VPS13A: variants seen among roughly 807,000 people sequenced by gnomAD.
VPS13A encodes vacuolar protein sorting 13 homolog A.
In VPS13A, 264 loss-of-function variants were observed where a neutral mutation model predicts 390.9. The ratio of observed to expected loss-of-function variants is 0.68; its 90% CI spans 0.61 to 0.75. The LOEUF (loss-of-function observed/expected upper bound fraction) is 0.75. Ranked by LOEUF, VPS13A falls within the 30% of genes least tolerant of loss-of-function variation. The pLI is 0.00. For missense variants in VPS13A, 3,409 were observed against 3,733.9 expected, an observed-to-expected ratio of 0.91 and a Z score of 2.27; for synonymous variants, 1,231 against 1,227.1, an observed-to-expected ratio of 1.00 and a Z score of -0.07.
chr9:77,357,621 T>G, intron 55 of VPS13A, 71 bp from the exon 56 acceptor site: 2 of 1,516,018 alleles, frequency 1.3e-6, no homozygotes, highest in Non-Finnish European at 1.8e-6. Flanking sequence ...AAAAAGTTTT[T>G]GGCATTAATT....
intron 63 of VPS13A, 134 bp from the exon 64 acceptor site, chr9:77,370,123 T>C: frequency 2.1e-6 from 2 of 954,364 alleles, no homozygotes; most frequent in Non-Finnish European, 3.3e-6. Context: ...TGTGAAACTT[T>C]TTGCTGATAT....
At chr9:77,327,433 A>G (rs1830069150) in intron 45 of VPS13A, among the ~76,000 whole-genome samples, 1 of 152,154 alleles carries the variant, frequency 6.6e-6, no homozygotes, top group Non-Finnish European at 1.5e-5. Flanking sequence ...TATAGAGCAA[A>G]TAGTTTTTCT....
chr9:77,405,006 C>T (rs1834534088), intron 69 of VPS13A, among the ~76,000 whole-genome samples: 1 of 151,232 alleles, frequency 6.6e-6, no homozygotes, highest in Non-Finnish European at 1.5e-5. Flanking sequence ...TTTTTTAACT[C>T]AATCTAATAC....
chr9:77,399,403 G>C (rs1284730474), intron 68 of VPS13A, among the ~76,000 whole-genome samples: 2 of 151,900 alleles, frequency 1.3e-5, no homozygotes, highest in Non-Finnish European at 2.9e-5. Context: ...GCACAGATTA[G>C]ATTTGATTTA....
chr9:77,279,244 T>C (rs1587481657), intron 26 of VPS13A, among the ~76,000 whole-genome samples: 1 of 152,232 alleles, frequency 6.6e-6, no homozygotes, highest in East Asian at 1.9e-4. Flanking sequence ...GCAAGACGGA[T>C]GGAGAGCCGG....
chr9:77,369,135 A>C lies in VPS13A; in HGVS notation c.8554-164A>C, dbSNP rs1832604158. On this transcript the variant is annotated intron_variant, in intron 62 of 71. Coordinates refer to ENST00000360280, the MANE Select transcript of VPS13A (RefSeq NM_033305.3). ...AACAGAGCAGGACTGTCTCAAAAAGAAAAAGAAAAAAAAGAGTAGTGATTA... is the reference window on the plus strand; with the variant it reads ...AACAGAGCAGGACTGTCTCAAAAAGCAAAAGAAAAAAAAGAGTAGTGATTA... 2.6e-5 allele frequency among the ~76,000 whole-genome samples: 4 copies of C among 152,232 alleles called. No homozygotes were observed. The South Asian group carries it at 8.3e-4, about 31-fold the overall frequency.
At chr9:77,221,673 G>C (rs1823222054) in intron 13 of VPS13A, among the ~76,000 whole-genome samples, 1 of 152,032 alleles carries the variant, frequency 6.6e-6, no homozygotes, top group Non-Finnish European at 1.5e-5. Context: ...TCTCTGTGTT[G>C]GTTTCAAAGC....
intron 17 of VPS13A, among the ~76,000 whole-genome samples, chr9:77,229,872 T>C (rs1025011019): frequency 6.6e-6 from 1 of 152,222 alleles, no homozygotes; most frequent in Non-Finnish European, 1.5e-5. Flanking sequence ...CTCACCATTT[T>C]ACATTTCCAT....
chr9:77,357,759 A>C lies in VPS13A; in HGVS notation c.7874A>C (p.Asn2625Thr). 6.2e-7 allele frequency: 1 copy of C among 1,613,990 alleles called. No homozygotes were observed. The highest frequency in any genetic ancestry group is 8.5e-7 in the Non-Finnish European group (1 of 1,179,980). Residue 2625 changes from asparagine to threonine, a missense_variant, in exon 56 of 72, where the codon AAT becomes ACT. This residue lies in a region of VPS13A where 221 missense variants were observed against 300.7 expected (regional missense o/e 0.73). Coordinates refer to ENST00000360280, the MANE Select transcript of VPS13A (RefSeq NM_033305.3). ...CCGCATGTAATAGCTCTACGAAGAA[A>C]TTATCTTCCAGCATTAAAAGTGGAA... The part of the protein sequence containing the change: ...LQPHVIALRR[N>T]YLPALKVEYN...
intron 45 of VPS13A, among the ~76,000 whole-genome samples, chr9:77,324,318 G>C (rs893934110): frequency 2.6e-5 from 4 of 152,036 alleles, no homozygotes; most frequent in Non-Finnish European, 5.9e-5. Context: ...AATACAATTC[G>C]AGTAGAAGTG....
At chr9:77,355,935 T>C (rs922963873) in intron 54 of VPS13A, among the ~76,000 whole-genome samples, 1 of 152,218 alleles carries the variant, frequency 6.6e-6, no homozygotes, top group Non-Finnish European at 1.5e-5. Context: ...GCTTCTAATC[T>C]TGACTCCACT....
chr9:77,361,682 C>G (rs889341885), intron 59 of VPS13A, among the ~76,000 whole-genome samples: 6 of 152,020 alleles, frequency 3.9e-5, no homozygotes, highest in African/African-American at 1.4e-4. Context: ...TGGAATTGCT[C>G]AATCACATAG....
At chr9:77,283,325 A>T (rs775683213) in intron 29 of VPS13A, 30 bp from the exon 30 acceptor site, 1 of 1,309,818 alleles carries the variant, frequency 7.6e-7, no homozygotes, top group East Asian at 2.3e-5. Flanking sequence ...GTTTTTCCTC[A>T]TGTTTTATAA....
chr9:77,287,362 C>A (rs1183886925), intron 31 of VPS13A, among the ~76,000 whole-genome samples: 1 of 151,640 alleles, frequency 6.6e-6, no homozygotes, highest in East Asian at 1.9e-4. Context: ...CCACCAGGCC[C>A]AGCTGATTTT....
intron 34 of VPS13A, among the ~76,000 whole-genome samples, chr9:77,306,080 A>C (rs1828721806): frequency 6.6e-6 from 1 of 152,204 alleles, no homozygotes; most frequent in South Asian, 2.1e-4. Context: ...TGTCTGCTAC[A>C]TAGTTACAAA....
intron 46 of VPS13A, 139 bp from the exon 47 acceptor site, chr9:77,337,116 C>G (rs367998977): frequency 1.2e-5 from 11 of 947,274 alleles, no homozygotes; most frequent in Non-Finnish European, 1.7e-5. Context: ...TTACTTATAT[C>G]GTAAAAAGTA....
intron 45 of VPS13A, among the ~76,000 whole-genome samples, chr9:77,330,664 G>A (rs1186983475): frequency 6.6e-6 from 1 of 152,076 alleles, no homozygotes; most frequent in Non-Finnish European, 1.5e-5. Context: ...GTTGTGGAAT[G>A]CTCTGGATGT....
intron 71 of VPS13A, among the ~76,000 whole-genome samples, chr9:77,413,320 A>G (rs982600424): frequency 6.6e-6 from 1 of 152,238 alleles, no homozygotes; most frequent in Non-Finnish European, 1.5e-5. Context: ...TGGAGGCATC[A>G]CGCTACCTGA....
chr9:77,405,379 C>T (rs1834555852), intron 69 of VPS13A, among the ~76,000 whole-genome samples: 1 of 152,174 alleles, frequency 6.6e-6, no homozygotes. Context: ...ATGAAAGTTC[C>T]TCCAAATATT....
Sources: allele counts gnomAD v4.1 joint callset (sites outside exome capture counted in the v4.1 genomes callset), GRCh38; gene constraint gnomAD v4.1.1; regional missense constraint gnomAD v4.1.1; transcripts MANE v1.5; gene names NCBI Gene and HGNC (gene_info 2026-07-23, HGNC 2026-07-21).